Variants in ERLIN1 observed in about 807,000 individuals in gnomAD.
ERLIN1 encodes erlin-1.
Under a neutral mutation model 46.9 loss-of-function variants are expected in ERLIN1, and 24 were observed. The ratio of observed to expected loss-of-function variants is 0.51; its 90% CI spans 0.37 to 0.72. The LOEUF (loss-of-function observed/expected upper bound fraction) is 0.72, where lower values mean the gene tolerates loss of function less well. Among genes scored for constraint, ERLIN1 ranks in the 30% least tolerant of loss-of-function variants. ERLIN1 has a pLI of 0.00. For missense variants in ERLIN1, 293 were observed against 417.9 expected (o/e 0.70, Z 2.61); for synonymous variants, 158 against 143.2 (o/e 1.10, Z -0.74).
In ERLIN1 at chr10:100,185,955, G is replaced by A. The variant is rs955740320; in HGVS notation, c.-329C>T. On this transcript the variant is annotated 5_prime_UTR_variant, in exon 1 of 11. Transcript: ENST00000421367. ...CGAGGAAAGCCGACCCCTCGGCCGC[G>A]CCTCACCGATCAGTGACGCATCGCC... is the stretch of plus-strand genomic sequence containing the variant. The A allele has an allele frequency of 2.1e-6, 1 of 466,828 alleles. No homozygotes were observed. Among genetic ancestry groups the A allele is most frequent in the Admixed American group, 4.0e-5 (1 of 24,738 alleles). 28.9% of individuals were successfully genotyped at this position (466,828 alleles called of 1,614,324 possible).
intron 4 of ERLIN1, among the ~76,000 whole-genome samples, chr10:100,177,225 T>G (rs562905491): frequency 5.5e-4 from 84 of 152,340 alleles, no homozygotes; most frequent in South Asian, 1.4e-3. Context: ...AGTTTCCTAT[T>G]TAATCTCTGG....
At chr10:100,154,391 T>TGACCACTA (rs1842965755) in intron 10 of ERLIN1, among the ~76,000 whole-genome samples, 1 of 152,192 alleles carries the variant, frequency 6.6e-6, no homozygotes, top group East Asian at 1.9e-4. Flanking sequence ...AAACAACTGG[T>TGACCACTA]GACCACTACT....
At chr10:100,156,815 C>T (rs571506834) in intron 8 of ERLIN1, among the ~76,000 whole-genome samples, 1 of 152,158 alleles carries the variant, frequency 6.6e-6, no homozygotes, top group East Asian at 1.9e-4. Flanking sequence ...GAGTTCAAGA[C>T]CAGCTTAAGC....
intron 10 of ERLIN1, among the ~76,000 whole-genome samples, chr10:100,154,367 G>A (rs1163152278): frequency 5.9e-5 from 9 of 152,148 alleles, no homozygotes; most frequent in Admixed American, 5.2e-4. Flanking sequence ...ACATGCATGT[G>A]TGTGTGGCAG....
chr10:100,161,502 A>G (rs1843363185), intron 8 of ERLIN1, among the ~76,000 whole-genome samples: 1 of 152,172 alleles, frequency 6.6e-6, no homozygotes, highest in South Asian at 2.1e-4. Context: ...GCATACATTC[A>G]ATGCAATTCC....
chr10:100,165,768 C>A (rs1843604059), intron 7 of ERLIN1, among the ~76,000 whole-genome samples: 1 of 152,062 alleles, frequency 6.6e-6, no homozygotes, highest in Non-Finnish European at 1.5e-5. Context: ...TTCTTTTGCC[C>A]AGGTTGGAGT....
chr10:100,185,531 A>C lies in ERLIN1; in HGVS notation c.96T>G (p.His32Gln), dbSNP rs777077305. 4 of 1,613,436 alleles carry C rather than the reference A, an allele frequency of 2.5e-6. No individual in the cohort carries two copies. The highest frequency in any genetic ancestry group is 3.4e-6 in the Non-Finnish European group (4 of 1,179,480). The change falls in exon 1 of 11, where the codon CAT (histidine) becomes CAG (glutamine). Residue 32 changes from histidine (H) to glutamine (Q), a missense_variant. Around this residue, in one of 3 missense-constraint regions of ERLIN1, gnomAD observed 76 missense variants for 77.0 expected, o/e 0.99. Coordinates refer to ENST00000421367, the MANE Select transcript of ERLIN1 (RefSeq NM_006459.4). ...YASIHKIEEG[H>Q]LAVYYRGGAL... is the part of the protein sequence containing the mutation. Reference sequence around the variant, plus strand: ...CCGCTCACCTGTAGTACACAGCCAGATGGCCCTCCTCAATCTTGTGGATGG... The same window carrying C: ...CCGCTCACCTGTAGTACACAGCCAGCTGGCCCTCCTCAATCTTGTGGATGG...
At position 100,185,878 on chromosome 10, in the gene ERLIN1, G is replaced by A. The variant is rs1310318784; in HGVS notation, c.-252C>T. ...CTTCCTGAAACTCCCTCTCCCAAGG[G>A]TCGCTCCCGGGTGGAAGGCACTAAC... On this transcript the variant is annotated 5_prime_UTR_variant, in exon 1 of 11. Coordinates refer to ENST00000421367, the MANE Select transcript of ERLIN1 (RefSeq NM_006459.4). 1.3e-5 allele frequency: 7 copies of A among 538,388 alleles called. No individual in the cohort carries two copies. The highest frequency in any genetic ancestry group is 3.8e-5 in the African/African-American group (2 of 51,980). 33.4% of individuals were successfully genotyped at this position (538,388 alleles called of 1,614,324 possible). A position where few individuals can be genotyped will look rare whatever the true frequency, so the allele number is the denominator to read the frequency against.
Position 100,152,190 on chromosome 10 carries a change from T to C in ERLIN1, c.988A>G (p.Lys330Glu). The change falls in exon 11 of 11, where the codon AAG becomes GAG. Residue 330 changes from lysine to glutamate, a missense_variant. Lys to Glu is a moderately conservative substitution (Grantham distance 56). Coordinates refer to ENST00000421367, the MANE Select transcript of ERLIN1 (RefSeq NM_006459.4). ...RTGRESSLPSKEALEPSGENV... is the reference protein window; with the variant it reads ...RTGRESSLPSEEALEPSGENV... ...TCTCCAGAGGGTTCAAGAGCCTCCT[T>C]AGAGGGGAGTGAGCTTTCTCTTCCA... 6.2e-7 allele frequency: 1 copy of C among 1,613,654 alleles called. No individual in the cohort carries two copies. The highest frequency in any genetic ancestry group is 8.5e-7 in the Non-Finnish European group (1 of 1,179,558).
chr10:100,185,487 C>T (rs1276287396), intron 1 of ERLIN1, 27 bp downstream of exon 1: 2 of 1,533,126 alleles, frequency 1.3e-6, no homozygotes, highest in South Asian at 1.1e-5. Context: ...TGCTCTAGAG[C>T]CCTAACTGAC....
rs35614792 is a variant in ERLIN1, at chr10:100,174,478, C to T, written c.431-197G>A. On this transcript the variant is annotated intron_variant, in intron 5 of 10. Coordinates refer to ENST00000421367, the MANE Select transcript of ERLIN1 (RefSeq NM_006459.4). Reference sequence around the variant, plus strand: ...ATTATCTAATAAAGAAATTAAGGAACGAAGATGACAAGCAGATAGTCTGTT... The same window carrying T: ...ATTATCTAATAAAGAAATTAAGGAATGAAGATGACAAGCAGATAGTCTGTT... 0.29 allele frequency among the ~76,000 whole-genome samples: 43,610 copies of T among 152,020 alleles called. 7,899 individuals carry two copies. Among genetic ancestry groups the T allele is most frequent in the Non-Finnish European group, 0.42 (28,844 of 67,950 alleles).
chr10:100,174,451 G>A (rs1844180145), intron 5 of ERLIN1, among the ~76,000 whole-genome samples, 170 bp from the exon 6 acceptor site: 1 of 152,112 alleles, frequency 6.6e-6, no homozygotes, highest in African/African-American at 2.4e-5. Flanking sequence ...AAATTGCAAG[G>A]AATTATCTAA....
intron 4 of ERLIN1, among the ~76,000 whole-genome samples, chr10:100,177,086 C>T (rs1844354928): frequency 6.6e-6 from 1 of 152,096 alleles, no homozygotes; most frequent in Non-Finnish European, 1.5e-5. Context: ...CATGCCACTG[C>T]ACTCCAGCCT....
At position 100,150,634 on chromosome 10, in the gene ERLIN1, A is replaced by G. The variant is rs1842753944; in HGVS notation, c.*1497T>C. 2.0e-5 allele frequency: 3 copies of G among 152,614 alleles called. No individual in the cohort carries two copies. Among genetic ancestry groups the G allele is most frequent in the South Asian group, 2.1e-4 (1 of 4,826 alleles). The allele number at this position is 152,614 out of a possible 1,614,324, so 9.5% of individuals were successfully genotyped here. ...TTCAAATCTGGGCTTTCCTTTCCCAAATAAAGTGTTTGGCACAACCAACAA... is the reference window on the plus strand; with the variant it reads ...TTCAAATCTGGGCTTTCCTTTCCCAGATAAAGTGTTTGGCACAACCAACAA... On this transcript the variant is annotated 3_prime_UTR_variant, in exon 11 of 11. Coordinates refer to ENST00000421367, the MANE Select transcript of ERLIN1 (RefSeq NM_006459.4).
intron 2 of ERLIN1, among the ~76,000 whole-genome samples, chr10:100,183,311 T>A (rs1168336819): frequency 6.6e-6 from 1 of 152,210 alleles, no homozygotes; most frequent in Non-Finnish European, 1.5e-5. Flanking sequence ...GTGCTTAATA[T>A]ACCAGGCAAA....
At chr10:100,176,920 A>G (rs1226714725) in intron 4 of ERLIN1, among the ~76,000 whole-genome samples, 1 of 152,082 alleles carries the variant, frequency 6.6e-6, no homozygotes, top group Non-Finnish European at 1.5e-5. Context: ...TCAGGAGTTC[A>G]AGACCAGCCT....
At chr10:100,172,297 C>G (rs1176238552) in intron 6 of ERLIN1, among the ~76,000 whole-genome samples, 1 of 152,206 alleles carries the variant, frequency 6.6e-6, no homozygotes, top group African/African-American at 2.4e-5. Context: ...TTTATATCTA[C>G]AAACATTTGT....
At chr10:100,169,135 G>A (rs1425670761) in intron 6 of ERLIN1, among the ~76,000 whole-genome samples, 1 of 152,158 alleles carries the variant, frequency 6.6e-6, no homozygotes, top group African/African-American at 2.4e-5. Flanking sequence ...TGCATCAAAA[G>A]AGATTTTAAA....
intron 7 of ERLIN1, among the ~76,000 whole-genome samples, chr10:100,166,802 C>T (rs1331882545): frequency 6.6e-6 from 1 of 152,232 alleles, no homozygotes; most frequent in Non-Finnish European, 1.5e-5. Context: ...AATTTCATGT[C>T]TTCTCATTCC....
Sources: allele counts gnomAD v4.1 joint callset (sites outside exome capture counted in the v4.1 genomes callset), GRCh38; gene constraint gnomAD v4.1.1; regional missense constraint gnomAD v4.1.1; transcripts MANE v1.5; gene names NCBI Gene and HGNC (gene_info 2026-07-23, HGNC 2026-07-21).